AKAP6: variants seen among roughly 807,000 people sequenced by gnomAD.
AKAP6 encodes A-kinase anchoring protein 6.
Under a neutral mutation model 188.5 loss-of-function variants are expected in AKAP6, and 58 were observed. That is an observed-to-expected ratio of 0.31 (90% CI 0.25 to 0.38). The LOEUF is 0.38. AKAP6 is among the 10% of genes least tolerant of loss of function. AKAP6 has a pLI of 1.00. For synonymous variants in AKAP6, 989 were observed against 998.6 expected (o/e 0.99, Z 0.18); for missense variants, 2,710 against 2,740.0 (o/e 0.99, Z 0.24).
chr14:32,445,870 C>A (rs1890737846), intron 2 of AKAP6, among the ~76,000 whole-genome samples: 1 of 151,942 alleles, frequency 6.6e-6, no homozygotes, highest in African/African-American at 2.4e-5. Flanking sequence ...TGATTAAATA[C>A]ATACAAACTA....
chr14:32,562,991 G>C (rs1376069115), intron 4 of AKAP6, among the ~76,000 whole-genome samples: 1 of 152,134 alleles, frequency 6.6e-6, no homozygotes, highest in Non-Finnish European at 1.5e-5. Context: ...AATTATATCT[G>C]TGCCCATTTC....
At chr14:32,349,936 A>C (rs1566457161) in intron 1 of AKAP6, among the ~76,000 whole-genome samples, 1 of 152,218 alleles carries the variant, frequency 6.6e-6, no homozygotes, top group Admixed American at 6.5e-5. Flanking sequence ...AAGAGCTTCT[A>C]CTGGCCACAC....
chr14:32,588,654 C>T (rs538930756), intron 5 of AKAP6, among the ~76,000 whole-genome samples: 7 of 152,264 alleles, frequency 4.6e-5, no homozygotes, highest in Non-Finnish European at 8.8e-5. Flanking sequence ...CACATGGTGG[C>T]ACAGAAGCAC....
intron 7 of AKAP6, among the ~76,000 whole-genome samples, chr14:32,639,955 G>A (rs1473639550): frequency 1.3e-5 from 2 of 151,996 alleles, no homozygotes; most frequent in African/African-American, 2.4e-5. Flanking sequence ...TCTTCACTCT[G>A]AAGGCAAAAT....
At chr14:32,481,890 C>A (rs1302012134) in intron 2 of AKAP6, among the ~76,000 whole-genome samples, 1 of 152,162 alleles carries the variant, frequency 6.6e-6, no homozygotes, top group African/African-American at 2.4e-5. Context: ...ATTACTGTTT[C>A]CACTTCCTCT....
At chr14:32,793,495 A>AGAATATATAT (rs1364337384) in intron 12 of AKAP6, among the ~76,000 whole-genome samples, 38 of 152,180 alleles carry the variant, frequency 2.5e-4, no homozygotes, top group African/African-American at 9.2e-4. Context: ...ATATATATGC[A>AGAATATATAT]CCCAATACAG....
At chr14:32,653,801 A>AT in intron 7 of AKAP6, among the ~76,000 whole-genome samples, 1 of 152,310 alleles carries the variant, frequency 6.6e-6, no homozygotes, top group South Asian at 2.1e-4. Context: ...GTGTTAGTAA[A>AT]ACTAGGGCAA....
intron 1 of AKAP6, among the ~76,000 whole-genome samples, chr14:32,349,110 C>T (rs761432724): frequency 3.3e-5 from 5 of 152,252 alleles, no homozygotes; most frequent in South Asian, 4.1e-4. Context: ...TGGTGTTTGA[C>T]GTACAGGATT....
chr14:32,331,626 A>G (rs992665621), intron 1 of AKAP6, among the ~76,000 whole-genome samples: 1 of 152,058 alleles, frequency 6.6e-6, no homozygotes. Flanking sequence ...GATTAGCTGC[A>G]TGTCTTAATT....
At chr14:32,348,408 C>CTTTTTTTTT (rs1235466012) in intron 1 of AKAP6, among the ~76,000 whole-genome samples, 59 of 88,654 alleles carry the variant, frequency 6.7e-4, no homozygotes, top group Non-Finnish European at 9.1e-4. Context: ...TCTTTCTTTT[C>CTTTTTTTTT]TTTTGTTTCT....
intron 13 of AKAP6, among the ~76,000 whole-genome samples, chr14:32,829,617 T>TAAA (rs34458249): frequency 1.9e-3 from 274 of 147,466 alleles, no homozygotes; most frequent in African/African-American, 6.1e-3. Flanking sequence ...CACGTCTTTT[T>TAAA]AAAAAAAAAA....
In AKAP6 at chr14:32,822,878, A is replaced by G. The variant is rs766219444; in HGVS notation, c.5065A>G (p.Thr1689Ala). The G allele has an allele frequency of 3.7e-6, 6 of 1,613,810 alleles. No individual in the cohort carries two copies. Among genetic ancestry groups the G allele is most frequent in the African/African-American group, 1.3e-5 (1 of 74,894 alleles). Residue 1689 changes from threonine (T) to alanine (A), a missense_variant, in exon 13 of 14, where the codon ACA becomes GCA. Transcript: ENST00000280979. The part of the protein sequence containing the change: ...SINEDSAASL[T>A]ELSSSDELSL... ...CAATGAAGACTCAGCGGCATCTCTAACAGAACTTAGCAGCAGTGACGAGCT... is the reference window on the plus strand; with the variant it reads ...CAATGAAGACTCAGCGGCATCTCTAGCAGAACTTAGCAGCAGTGACGAGCT...
intron 9 of AKAP6, among the ~76,000 whole-genome samples, chr14:32,724,544 T>C (rs2030744050): frequency 6.6e-6 from 1 of 152,202 alleles, no homozygotes; most frequent in African/African-American, 2.4e-5. Context: ...CTGGTATTGC[T>C]ACAAAATTGC....
chr14:32,559,606 A>C (rs1883844381), intron 4 of AKAP6, among the ~76,000 whole-genome samples: 1 of 152,142 alleles, frequency 6.6e-6, no homozygotes, highest in Non-Finnish European at 1.5e-5. Context: ...CACCTCTAGC[A>C]GTAATTTTCA....
chr14:32,359,418 TGAAA>T (rs1439618633), intron 1 of AKAP6, among the ~76,000 whole-genome samples: 9 of 152,150 alleles, frequency 5.9e-5, no homozygotes, highest in African/African-American at 2.2e-4. Context: ...ATTTTATTTA[TGAAA>T]GAATTATAAA....
intron 2 of AKAP6, among the ~76,000 whole-genome samples, chr14:32,533,957 C>G (rs1286485114): frequency 6.6e-6 from 1 of 152,118 alleles, no homozygotes; most frequent in South Asian, 2.1e-4. Flanking sequence ...AACTTTTGCT[C>G]TGTTTCAAGT....
intron 2 of AKAP6, among the ~76,000 whole-genome samples, chr14:32,458,466 A>G (rs1466753947): frequency 6.6e-6 from 1 of 152,142 alleles, no homozygotes; most frequent in Non-Finnish European, 1.5e-5. Flanking sequence ...TTAGTTTTAT[A>G]TATTCTTAGG....
intron 10 of AKAP6, among the ~76,000 whole-genome samples, chr14:32,735,186 T>C (rs1285188268): frequency 2.6e-5 from 4 of 152,200 alleles, no homozygotes; most frequent in Admixed American, 1.3e-4. Context: ...AAATGGAATT[T>C]AATTCTCCGT....
At chr14:32,445,047 G>C (rs1460928442) in intron 2 of AKAP6, among the ~76,000 whole-genome samples, 1 of 152,186 alleles carries the variant, frequency 6.6e-6, no homozygotes, top group African/African-American at 2.4e-5. Flanking sequence ...TTTAAGTGCA[G>C]TGTTTACTTC....
Sources: allele counts gnomAD v4.1 joint callset (sites outside exome capture counted in the v4.1 genomes callset), GRCh38; gene constraint gnomAD v4.1.1; transcripts MANE v1.5; gene names NCBI Gene and HGNC (gene_info 2026-07-23, HGNC 2026-07-21).